DOCK3: variants seen among roughly 807,000 people sequenced by gnomAD.
DOCK3 encodes dedicator of cytokinesis 3.
DOCK3 carries 60 observed loss-of-function variants against 265.6 expected under a neutral mutation model. The ratio of observed to expected loss-of-function variants is 0.23; its 90% CI spans 0.18 to 0.28. The LOEUF is 0.28. DOCK3 is among the 10% of genes least tolerant of loss of function. The pLI, the probability that DOCK3 is intolerant of heterozygous loss-of-function variation, is 1.00. For synonymous variants in DOCK3, 881 were observed against 938.0 expected (o/e 0.94, Z 1.11); for missense variants, 1,981 against 2,594.3 (o/e 0.76, Z 5.14).
At chr3:51,151,739 T>A (rs1428665118) in intron 10 of DOCK3, among the ~76,000 whole-genome samples, 2 of 152,150 alleles carry the variant, frequency 1.3e-5, no homozygotes, top group East Asian at 3.8e-4. Context: ...GGATTTTATT[T>A]CTCCTTCACT....
rs998739684 is a variant in DOCK3 at position 51,270,717 on chromosome 3, C to G, written c.2356-98C>G. On this transcript the variant is annotated intron_variant, in intron 23 of 52. Coordinates refer to ENST00000266037, the MANE Select transcript of DOCK3 (RefSeq NM_004947.5). ...CACCGAAGGCAGAGATGCTACAGTG[C>G]CTTCTCAGCCTCTCACCACCTTGTA... is the stretch of plus-strand genomic sequence containing the variant. 296 of 1,273,184 alleles carry G rather than the reference C, an allele frequency of 2.3e-4. 1 individual carries two copies. Among genetic ancestry groups the G allele is most frequent in the Non-Finnish European group, 2.8e-4 (264 of 929,892 alleles). 78.9% of individuals were successfully genotyped at this position (1,273,184 alleles called of 1,614,324 possible). A position where few individuals can be genotyped will look rare whatever the true frequency, so the allele number is the denominator to read the frequency against.
chr3:50,968,381 A>G (rs71329027), intron 5 of DOCK3, among the ~76,000 whole-genome samples: 14,458 of 152,156 alleles, frequency 0.095, 859 homozygotes, highest in Non-Finnish European at 0.12. Context: ...GTTGTTTTCC[A>G]TGGATGTAGT....
At chr3:51,312,136 C>T (rs904287485) in intron 29 of DOCK3, 57 bp downstream of exon 29, 1 of 1,446,354 alleles carries the variant, frequency 6.9e-7, no homozygotes, top group African/African-American at 1.4e-5. Context: ...AAAGCCAAAA[C>T]CAAGCTCACT....
intron 12 of DOCK3, among the ~76,000 whole-genome samples, chr3:51,181,767 GT>G (rs1182872189): frequency 1.4e-4 from 22 of 152,000 alleles, no homozygotes; most frequent in Non-Finnish European, 2.9e-4. Context: ...GTGATAGAAT[GT>G]TTTTTTTCTA....
chr3:51,367,709 T>C (rs1194581610), intron 49 of DOCK3, among the ~76,000 whole-genome samples: 1 of 152,192 alleles, frequency 6.6e-6, no homozygotes, highest in African/African-American at 2.4e-5. Flanking sequence ...CTCTCAGCAT[T>C]TGTTTGTCTG....
intron 1 of DOCK3, among the ~76,000 whole-genome samples, chr3:50,728,034 C>T (rs531587666): frequency 5.3e-5 from 8 of 152,196 alleles, no homozygotes; most frequent in African/African-American, 9.6e-5. Context: ...TACTTACTGA[C>T]GTAGATCATA....
intron 12 of DOCK3, among the ~76,000 whole-genome samples, chr3:51,201,807 A>C (rs950658216): frequency 2.0e-5 from 3 of 152,180 alleles, no homozygotes; most frequent in African/African-American, 7.2e-5. Flanking sequence ...AAGAACAGAA[A>C]TTATAACAAA....
chr3:50,878,314 G>A (rs927928263), intron 3 of DOCK3, among the ~76,000 whole-genome samples: 1 of 152,130 alleles, frequency 6.6e-6, no homozygotes, highest in Non-Finnish European at 1.5e-5. Context: ...CGGACGATTG[G>A]TAATAACAAA....
intron 3 of DOCK3, among the ~76,000 whole-genome samples, chr3:50,889,505 A>C (rs987050263): frequency 1.3e-5 from 2 of 151,942 alleles, no homozygotes; most frequent in African/African-American, 4.8e-5. Flanking sequence ...TAGGAATTGA[A>C]ATCAAATTAT....
chr3:50,996,599 C>A (rs1358571125), intron 5 of DOCK3, among the ~76,000 whole-genome samples: 10 of 151,998 alleles, frequency 6.6e-5, no homozygotes. Context: ...CCATAATATA[C>A]CTTGACTTTC....
chr3:50,729,382 A>T (rs200404996), intron 1 of DOCK3, among the ~76,000 whole-genome samples: 108 of 54,402 alleles, frequency 2.0e-3, no homozygotes, highest in Middle Eastern at 8.1e-3. Context: ...ATTTATTTTT[A>T]TTTATTTATT....
intron 12 of DOCK3, among the ~76,000 whole-genome samples, chr3:51,166,842 CTTTA>C (rs1251382583): frequency 2.0e-5 from 3 of 152,032 alleles, no homozygotes; most frequent in Non-Finnish European, 1.5e-5. Flanking sequence ...TATATGAGTT[CTTTA>C]TATAGTTTTA....
chr3:51,103,918 G>A (rs940703805), intron 9 of DOCK3, among the ~76,000 whole-genome samples: 1 of 152,142 alleles, frequency 6.6e-6, no homozygotes, highest in Non-Finnish European at 1.5e-5. Context: ...CCATAATGGG[G>A]GATGAGGGAG....
intron 1 of DOCK3, among the ~76,000 whole-genome samples, chr3:50,746,497 A>G (rs569299604): frequency 5.3e-5 from 8 of 152,190 alleles, no homozygotes; most frequent in East Asian, 1.9e-4. Flanking sequence ...GGTCATGACA[A>G]TTTTCTCTGA....
chr3:51,170,936 C>G (rs1223735132), intron 12 of DOCK3, among the ~76,000 whole-genome samples: 1 of 126,724 alleles, frequency 7.9e-6, no homozygotes, highest in Non-Finnish European at 1.6e-5. Flanking sequence ...AGCAAGACTC[C>G]ATCTCAAAAA....
In DOCK3 at chr3:50,854,591, A is replaced by ATTTTTTTTTTTTTTTT. The variant is rs1559726991; in HGVS notation, c.162+12876_162+12877insTTTTTTTTTTTTTTTT. ...AGCTACAGATGAGCACCATCACACC[A>ATTTTTTTTTTTTTTTT]GTTTTTTTTTTTTTTTTTTGGTGGT... On this transcript the variant is annotated intron_variant, in intron 3 of 52. Transcript: ENST00000266037. Among the ~76,000 whole-genome samples, 19 of 4,316 alleles carry ATTTTTTTTTTTTTTTT rather than the reference A, an allele frequency of 4.4e-3. 1 individual carries two copies. The highest frequency in any genetic ancestry group is 6.2e-3 in the Admixed American group (2 of 324). The allele number at this position is 4,316 out of a possible 152,430, so 2.8% of individuals were successfully genotyped here.
intron 9 of DOCK3, among the ~76,000 whole-genome samples, chr3:51,097,579 C>T (rs938470226): frequency 3.3e-5 from 5 of 152,228 alleles, no homozygotes; most frequent in African/African-American, 4.8e-5. Flanking sequence ...GACCACTTGG[C>T]TCCCTGGCTT....
intron 4 of DOCK3, among the ~76,000 whole-genome samples, chr3:50,929,578 CT>C (rs1353980623): frequency 6.6e-6 from 1 of 152,160 alleles, no homozygotes; most frequent in Admixed American, 6.5e-5. Context: ...CCAGTGCTGG[CT>C]TTTGACTTCA....
At chr3:50,898,719 C>T (rs552517038) in intron 4 of DOCK3, 147 of 152,286 alleles carry the variant, frequency 9.7e-4, no homozygotes, top group African/African-American at 3.4e-3. Flanking sequence ...TTTATTTCTG[C>T]CTTCATTTTG....
Sources: gnomAD v4.1 joint callset for allele counts (sites outside exome capture counted in the v4.1 genomes callset) on GRCh38, gnomAD v4.1.1 for gene constraint, MANE v1.5 for transcripts, NCBI Gene and HGNC (gene_info 2026-07-23, HGNC 2026-07-21) for gene names.